Variants in VWA3B observed in about 807,000 individuals in gnomAD.
The protein encoded by VWA3B is von Willebrand factor A domain containing 3B, also known as von Willebrand factor A domain-containing protein 3B.
Under a neutral mutation model 158.3 loss-of-function variants are expected in VWA3B, and 138 were observed. The ratio of observed to expected loss-of-function variants is 0.87; its 90% confidence interval spans 0.76 to 1.00. The LOEUF is 1.00. Among genes scored for constraint, VWA3B ranks in the 50% least tolerant of loss-of-function variants. The pLI is 0.00. For missense variants in VWA3B, 1,555 were observed against 1,565.1 expected, an observed-to-expected ratio of 0.99 and a Z score of 0.11; for synonymous variants, 596 against 587.3, an observed-to-expected ratio of 1.01 and a Z score of -0.21.
chr2:98,217,749 T>C, intron 13 of VWA3B, 97 bp from the exon 14 acceptor site: 2 of 1,141,228 alleles, frequency 1.8e-6, no homozygotes, highest in Non-Finnish European at 2.4e-6. Flanking sequence ...AGAATTACTA[T>C]TTGAGTATCT....
intron 2 of VWA3B, among the ~76,000 whole-genome samples, chr2:98,100,447 A>G (rs1478335208): frequency 2.0e-5 from 3 of 152,254 alleles, no homozygotes; most frequent in African/African-American, 7.2e-5. Flanking sequence ...CCCAAAGTCC[A>G]TGGCCACTGA....
At chr2:98,113,886 T>C (rs1342946740) in intron 2 of VWA3B, among the ~76,000 whole-genome samples, 1 of 152,236 alleles carries the variant, frequency 6.6e-6, no homozygotes, top group African/African-American at 2.4e-5. Flanking sequence ...ATGGCTGTAC[T>C]ACGATTTTCT....
chr2:98,300,042 C>T (rs776857383), intron 24 of VWA3B, 37 bp from the exon 25 acceptor site: 1 of 1,613,878 alleles, frequency 6.2e-7, no homozygotes, highest in South Asian at 1.1e-5. Flanking sequence ...CTGTACAATC[C>T]ATAAGCAAAA....
chr2:98,133,988 C>T (rs749394207), intron 7 of VWA3B, 49 bp downstream of exon 7: 1 of 1,481,368 alleles, frequency 6.8e-7, no homozygotes, highest in Non-Finnish European at 9.4e-7. Context: ...CGAATAGCCT[C>T]AGACGACGTG....
At position 98,298,443 on chromosome 2, in the gene VWA3B, T is replaced by C. The variant is rs4990691; in HGVS notation, c.3282+412T>C. Among the ~76,000 whole-genome samples the C allele has an allele frequency of 7.0e-3, 853 of 121,322 alleles. 11 individuals are homozygous for C. Among genetic ancestry groups the C allele is most frequent in the African/African-American group, 0.021 (709 of 33,498 alleles). The allele number at this position is 121,322 out of a possible 152,430, so 79.6% of individuals were successfully genotyped here. A position where few individuals can be genotyped will look rare whatever the true frequency, so the allele number is the denominator to read the frequency against. ...TATTCTATTCTATTCTATTCTATTC[T>C]ATGCCATGCCATGCCATGCCATGCC... On this transcript the variant is annotated intron_variant, in intron 24 of 27. Transcript: ENST00000477737.
At chr2:98,264,009 G>T (rs942585541) in intron 21 of VWA3B, among the ~76,000 whole-genome samples, 1 of 151,748 alleles carries the variant, frequency 6.6e-6, no homozygotes, top group African/African-American at 2.4e-5. Flanking sequence ...TCTTGGTTAT[G>T]CAATTTGTCG....
chr2:98,295,293 A>C (rs552322753), intron 23 of VWA3B, among the ~76,000 whole-genome samples: 2 of 152,320 alleles, frequency 1.3e-5, no homozygotes, highest in East Asian at 3.9e-4. Context: ...TTAGAGCCAA[A>C]GGTTTAAAAA....
chr2:98,178,708 T>C (rs886773186), intron 8 of VWA3B, among the ~76,000 whole-genome samples: 4 of 152,166 alleles, frequency 2.6e-5, no homozygotes, highest in Non-Finnish European at 4.4e-5. Context: ...TGGGGAGCTT[T>C]GTAAAATCCC....
At chr2:98,200,816 A>T (rs1682478232) in intron 12 of VWA3B, among the ~76,000 whole-genome samples, 2 of 152,362 alleles carry the variant, frequency 1.3e-5, no homozygotes, top group South Asian at 4.1e-4. Flanking sequence ...TTCTGTGTTT[A>T]AGAATAGGGT....
At chr2:98,267,148 G>GT (rs1405983429) in intron 21 of VWA3B, among the ~76,000 whole-genome samples, 4 of 151,436 alleles carry the variant, frequency 2.6e-5, no homozygotes, top group Non-Finnish European at 5.9e-5. Context: ...AATGCTTCCA[G>GT]TTTTTGCCCA....
Position 98,236,432 on chromosome 2 carries a change from C to T in VWA3B, c.2471C>T (p.Ser824Leu), listed in dbSNP as rs753180912. 27 of 1,613,994 alleles carry T rather than the reference C, an allele frequency of 1.7e-5. No homozygotes were observed. The highest frequency in any genetic ancestry group is 1.3e-4 in the African/African-American group (10 of 74,898). The change falls in exon 18 of 28, where the codon TCG (serine) becomes TTG (leucine). Residue 824 changes from serine to leucine, a missense_variant. Ser to Leu is a moderately radical substitution (Grantham distance 145, BLOSUM62 -2). Coordinates refer to ENST00000477737, the MANE Select transcript of VWA3B (RefSeq NM_144992.5). ...LLAEEWLDDK[S>L]SEKVTREGSQ... ...GCTGAGGAGTGGCTGGATGACAAAT[C>T]GTCAGAAAAGGTGACGCGAGAAGGA...
Position 98,181,124 on chromosome 2 carries a change from A to G in VWA3B, c.1223A>G (p.Asp408Gly). The change falls in exon 9 of 28, where the codon GAT (aspartate) becomes GGT (glycine). Residue 408 changes from aspartate to glycine, a missense_variant. Coordinates refer to ENST00000477737, the MANE Select transcript of VWA3B (RefSeq NM_144992.5). ...AAGGCCCAGAAGCTATCCTTGTATG[A>G]TGTGCTTGCCGACTGCTCTTTCCGC... is the stretch of plus-strand genomic sequence containing the variant. ...GLKAQKLSLY[D>G]VLADCSFRHA... 1 of 1,614,178 alleles carries G rather than the reference A, an allele frequency of 6.2e-7. No homozygotes were observed. The highest frequency in any genetic ancestry group is 8.5e-7 in the Non-Finnish European group (1 of 1,180,034).
chr2:98,323,126 CAA>C, the VWA3B span, among the ~76,000 whole-genome samples: 25 of 151,936 alleles, frequency 1.6e-4, no homozygotes, highest in African/African-American at 5.8e-4. Context: ...TGATAAAAGA[CAA>C]ACATTCAATA....
At chr2:98,182,330 A>T (rs1433972535) in intron 9 of VWA3B, among the ~76,000 whole-genome samples, 3 of 152,220 alleles carry the variant, frequency 2.0e-5, no homozygotes, top group African/African-American at 4.8e-5. Context: ...ACTGAGCCCT[A>T]CATGCCCTCC....
rs146557533 is a variant in VWA3B, at chr2:98,239,783, G to A, written c.2673+3053G>A. Among the ~76,000 whole-genome samples, 87 of 151,882 alleles carry A rather than the reference G, an allele frequency of 5.7e-4. No homozygotes were observed. The East Asian group carries it at 0.014, about 24-fold the overall frequency. On this transcript the variant is annotated intron_variant, in intron 19 of 27. Coordinates refer to ENST00000477737, the MANE Select transcript of VWA3B (RefSeq NM_144992.5). ...AAAAAAATTAGCCAGGTGTGGTGGCGTGTGCCTGTAGTCGCAGCTACTCGG... is the reference window on the plus strand; with the variant it reads ...AAAAAAATTAGCCAGGTGTGGTGGCATGTGCCTGTAGTCGCAGCTACTCGG...
chr2:98,267,687 A>G (rs1332800924), intron 21 of VWA3B, among the ~76,000 whole-genome samples: 2 of 152,046 alleles, frequency 1.3e-5, no homozygotes, highest in African/African-American at 4.8e-5. Context: ...AATAACTAAA[A>G]TCAGAGCAGA....
chr2:98,140,003 G>A (rs1398564668), intron 7 of VWA3B, among the ~76,000 whole-genome samples: 2 of 152,018 alleles, frequency 1.3e-5, no homozygotes, highest in Admixed American at 1.3e-4. Flanking sequence ...AAGCCCACCG[G>A]GAGGAACGAA....
chr2:98,119,873 C>G, intron 4 of VWA3B, 110 bp downstream of exon 4: 1 of 1,345,328 alleles, frequency 7.4e-7, no homozygotes, highest in Non-Finnish European at 1.0e-6. Context: ...AGGGAAGAGG[C>G]ATTATCTTAT....
At chr2:98,241,318 G>A (rs1454946361) in intron 19 of VWA3B, among the ~76,000 whole-genome samples, 1 of 152,024 alleles carries the variant, frequency 6.6e-6, no homozygotes, top group Non-Finnish European at 1.5e-5. Flanking sequence ...GGCCTTGATT[G>A]AATTAAGGAT....
Sources: gnomAD v4.1 joint callset for allele counts (sites outside exome capture counted in the v4.1 genomes callset) on GRCh38, gnomAD v4.1.1 for gene constraint, MANE v1.5 for transcripts, NCBI Gene and HGNC (gene_info 2026-07-23, HGNC 2026-07-21) for gene names.